The following PTCH1 variants were observed in gnomAD, a reference collection of about 807,000 sequenced individuals.
PTCH1 encodes the protein protein patched homolog 1.
Under a neutral mutation model 144.6 loss-of-function variants are expected in PTCH1, and 14 were observed. The observed-to-expected ratio is 0.10, with a 90% CI of 0.06 to 0.15. PTCH1 has a LOEUF of 0.15. Ranked by LOEUF, PTCH1 falls within the 10% of genes least tolerant of loss-of-function variation. The pLI is 1.00. For synonymous variants in PTCH1, 833 were observed against 793.6 expected (o/e 1.05, Z -0.83); for missense variants, 1,623 against 1,948.3 (o/e 0.83, Z 3.14).
chr9:95,447,759 C>CCG (rs1343849991), intron 22 of PTCH1, among the ~76,000 whole-genome samples: 3 of 152,212 alleles, frequency 2.0e-5, no homozygotes, highest in Non-Finnish European at 4.4e-5. Context: ...CAACCTGCCC[C>CCG]CGACCCTGTT....
chr9:95,454,612 C>A (rs1474424670), intron 19 of PTCH1, among the ~76,000 whole-genome samples: 1 of 152,214 alleles, frequency 6.6e-6, no homozygotes, highest in Non-Finnish European at 1.5e-5. Context: ...TTCAGCCATG[C>A]TGGCTTGCAT....
chr9:95,509,600 C>T (rs913163368), upstream of PTCH1, among the ~76,000 whole-genome samples: 2 of 152,176 alleles, frequency 1.3e-5, no homozygotes, highest in African/African-American at 4.8e-5. Context: ...TTTGCGCGCA[C>T]ACACGCGCGC....
At chr9:95,460,846 T>C (rs551511042) in intron 16 of PTCH1, among the ~76,000 whole-genome samples, 2 of 152,284 alleles carry the variant, frequency 1.3e-5, no homozygotes, top group East Asian at 3.9e-4. Context: ...GGCACTTTCC[T>C]GGTGTCTCTG....
rs1844000227 is a variant in PTCH1, at chr9:95,509,138, A to G, written c.-777T>C. Among the ~76,000 whole-genome samples the G allele has an allele frequency of 6.6e-6, 1 of 150,566 alleles. No homozygotes were observed. The highest frequency in any genetic ancestry group is 2.1e-4 in the South Asian group (1 of 4,720). ...CCTCTCTCGCTCCCGGGACCTGGGG[A>G]CTCCGCTCTGTGTGTGTGCAGCGGG... On this transcript the variant is annotated 5_prime_UTR_variant, in exon 1 of 24. Coordinates refer to ENST00000331920, the MANE Select transcript of PTCH1 (RefSeq NM_000264.5).
At position 95,506,427 on chromosome 9, in the gene PTCH1, A is replaced by G. The variant is rs1340143606; in HGVS notation, c.374T>C (p.Val125Ala). Residue 125 changes from valine (V) to alanine (A), a missense_variant, in exon 2 of 24, where the codon GTG becomes GCG. Coordinates refer to ENST00000331920, the MANE Select transcript of PTCH1 (RefSeq NM_000264.5). ...GLKAANLETN[V>A]EELWVEVGGR... ...CTTACCTTCCACCCACAGCTCCTCC[A>G]CGTTGGTCTCGAGGTTCGCTGCTTT... The G allele has an allele frequency of 6.2e-7, 1 of 1,610,996 alleles. No homozygotes were observed. Among genetic ancestry groups the G allele is most frequent in the East Asian group, 2.2e-5 (1 of 44,742 alleles).
chr9:95,488,183 GTC>G (rs1437142374), intron 2 of PTCH1, among the ~76,000 whole-genome samples: 2 of 152,146 alleles, frequency 1.3e-5, no homozygotes, highest in African/African-American at 4.8e-5. Context: ...GTACCTCAGG[GTC>G]TCCATCATGT....
At position 95,453,534 on chromosome 9, in the gene PTCH1, C is replaced by T. The variant is rs1267662604; in HGVS notation, c.3393G>A (p.Val1131=). The change falls in exon 20 of 24, where the codon GTG becomes GTA. Residue 1131 remains valine, a synonymous_variant. Coordinates refer to ENST00000331920, the MANE Select transcript of PTCH1 (RefSeq NM_000264.5). ...HMFAPVLDGA[V]STLLGVLMLA... is the part of the protein sequence containing the mutation. ...GCATCAGCACTCCCAGCAGAGTGGA[C>T]ACGGCGCCATCCAGGACGGGTGCAA... The T allele has an allele frequency of 6.2e-7, 1 of 1,614,164 alleles. No individual in the cohort carries two copies. The highest frequency in any genetic ancestry group is 8.5e-7 in the Non-Finnish European group (1 of 1,180,048).
At chr9:95,455,702 T>C (rs1838851738) in intron 19 of PTCH1, among the ~76,000 whole-genome samples, 1 of 152,188 alleles carries the variant, frequency 6.6e-6, no homozygotes, top group South Asian at 2.1e-4. Context: ...CTATCATGAA[T>C]GTAGAGGCTG....
intron 6 of PTCH1, 85 bp downstream of exon 6, chr9:95,480,305 T>C: frequency 1.9e-6 from 3 of 1,558,220 alleles, no homozygotes; most frequent in Non-Finnish European, 2.6e-6. Context: ...ATGTTAAAAA[T>C]GAAAATAATA....
At chr9:95,453,278 C>T (rs1334242209) in intron 20 of PTCH1, 200 bp downstream of exon 20, 1 of 659,860 alleles carries the variant, frequency 1.5e-6, no homozygotes, top group Non-Finnish European at 2.5e-6. Context: ...ATTACAGGCA[C>T]CCACCACCAC....
chr9:95,453,219 G>A (rs760024756), intron 20 of PTCH1: 17 of 447,916 alleles, frequency 3.8e-5, no homozygotes, highest in African/African-American at 2.0e-4. Flanking sequence ...TGCAACCTCC[G>A]CCTCCCGGGT....
intron 15 of PTCH1, among the ~76,000 whole-genome samples, chr9:95,465,285 A>C (rs1334268381): frequency 6.6e-6 from 1 of 152,076 alleles, no homozygotes; most frequent in East Asian, 1.9e-4. Context: ...ACTCTACAAT[A>C]ACCCTTCTCT....
At chr9:95,478,298 T>A in intron 8 of PTCH1, 112 bp from the exon 9 acceptor site, 2 of 1,524,564 alleles carry the variant, frequency 1.3e-6, no homozygotes, top group Non-Finnish European at 1.8e-6. Flanking sequence ...CTGATGCATT[T>A]TTTAAAAAAG....
At position 95,448,235 on chromosome 9, in the gene PTCH1, C is replaced by T. The variant is rs556864727; in HGVS notation, c.3805-784G>A. 1.3e-4 allele frequency among the ~76,000 whole-genome samples: 20 copies of T among 152,292 alleles called. No individual in the cohort carries two copies. The South Asian group carries it at 3.5e-3, about 27-fold the overall frequency. The stretch of plus-strand genomic sequence containing the variant: ...CACTGCAGCTCAGCGGGCGTCGTCG[C>T]GGGGGGTAGGAGGAGGACAATTCAG... On this transcript the variant is annotated intron_variant, in intron 22 of 23. Transcript: ENST00000331920.
At chr9:95,505,633 C>A (rs1177156862) in intron 2 of PTCH1, among the ~76,000 whole-genome samples, 1 of 152,136 alleles carries the variant, frequency 6.6e-6, no homozygotes, top group South Asian at 2.1e-4. Flanking sequence ...TAAAACATTT[C>A]TTTTCTTTGC....
At chr9:95,513,044 C>A (rs1176596780), upstream of PTCH1, among the ~76,000 whole-genome samples, 1 of 152,210 alleles carries the variant, frequency 6.6e-6, no homozygotes, top group Non-Finnish European at 1.5e-5. Context: ...CATCTCCTCC[C>A]TTCTCTGTTC....
rs1340279415 is a variant in PTCH1 at position 95,516,546 on chromosome 9, C to CT, written c.-76dup. On this transcript the variant is annotated 5_prime_UTR_variant, in exon 1 of 23. Coordinates refer to the PTCH1 transcript ENST00000430669. ...CTGGGCTTGGATTTCACATCAATTC[C>CT]TTTTTTTTCCCTGGCCCCCCTTTCC... 6.2e-5 allele frequency: 96 copies of CT among 1,540,696 alleles called. 1 individual carries two copies. The highest frequency in any genetic ancestry group is 3.9e-4 in the South Asian group (32 of 81,638).
rs863224648 is a variant in PTCH1, at chr9:95,479,087, G to C, written c.1128C>G (p.Phe376Leu). Residue 376 changes from phenylalanine (F) to leucine (L), a missense_variant, in exon 8 of 24, where the codon TTC (phenylalanine) becomes TTG (leucine). Transcript: ENST00000331920. ...LMTPKQMYEH[F>L]KGYEYVSHIN... Reference sequence around the variant, plus strand: ...TGTGTGAGACATACTCGTACCCCTTGAAGTGCTCGTACATTTGCTTGGGAG... The same window carrying C: ...TGTGTGAGACATACTCGTACCCCTTCAAGTGCTCGTACATTTGCTTGGGAG... The C allele has an allele frequency of 6.2e-7, 1 of 1,614,022 alleles. No homozygotes were observed.
upstream of PTCH1, among the ~76,000 whole-genome samples, chr9:95,510,014 A>C (rs200756950): frequency 1.5e-3 from 222 of 152,036 alleles, no homozygotes; most frequent in Non-Finnish European, 2.4e-3. Context: ...AAAAAAAAAA[A>C]AACACAGTCT....
Sources: gnomAD v4.1 joint callset for allele counts (sites outside exome capture counted in the v4.1 genomes callset) on GRCh38, gnomAD v4.1.1 for gene constraint, MANE v1.5 for transcripts, NCBI Gene and HGNC (gene_info 2026-07-23, HGNC 2026-07-21) for gene names.